CPLANE1: variants seen among roughly 807,000 people sequenced by gnomAD.
CPLANE1 encodes ciliogenesis and planar polarity effector complex subunit 1.
CPLANE1 carries 263 observed loss-of-function variants against 362.5 expected under a neutral mutation model. The ratio of observed to expected loss-of-function variants is 0.73; its 90% CI spans 0.66 to 0.80. The LOEUF is 0.80. Among genes scored for constraint, CPLANE1 ranks in the 30% least tolerant of loss-of-function variants. The pLI is 0.00. For missense variants in CPLANE1, 3,461 were observed against 3,793.4 expected, an observed-to-expected ratio of 0.91 and a Z score of 2.30; for synonymous variants, 1,212 against 1,302.6, an observed-to-expected ratio of 0.93 and a Z score of 1.50.
At chr5:37,124,781 T>C in intron 47 of CPLANE1, 1 of 544,220 alleles carries the variant, frequency 1.8e-6, no homozygotes, top group Non-Finnish European at 2.3e-6. Flanking sequence ...TCTCAACTCT[T>C]GGTCACAAGT....
chr5:37,243,522 G>A (rs1010530918), intron 5 of CPLANE1, among the ~76,000 whole-genome samples: 3 of 151,540 alleles, frequency 2.0e-5, no homozygotes, highest in East Asian at 1.9e-4. Flanking sequence ...CCACACATAC[G>A]AAGAATACCA....
At chr5:37,141,700 G>A in intron 44 of CPLANE1, 7 of 984,078 alleles carry the variant, frequency 7.1e-6, no homozygotes, top group Non-Finnish European at 8.4e-6. Context: ...CCAAGCCACT[G>A]TCAGTGATTG....
At chr5:37,119,261 AATCT>A (rs1761942746) in intron 50 of CPLANE1, among the ~76,000 whole-genome samples, 1 of 152,204 alleles carries the variant, frequency 6.6e-6, no homozygotes, top group African/African-American at 2.4e-5. Context: ...TTCATCCTGC[AATCT>A]ATCAGAACTT....
chr5:37,151,495 T>C (rs2150576007), intron 42 of CPLANE1, among the ~76,000 whole-genome samples: 1 of 152,216 alleles, frequency 6.6e-6, no homozygotes, highest in East Asian at 1.9e-4. Context: ...TTCCTAGAAT[T>C]TAGCACAGGG....
At chr5:37,099,626 G>A in the CPLANE1 span, among the ~76,000 whole-genome samples, 1 of 152,114 alleles carries the variant, frequency 6.6e-6, no homozygotes, top group Non-Finnish European at 1.5e-5. Flanking sequence ...CTTTATAACA[G>A]AATGATTTAT....
chr5:37,221,685 A>T (rs946691048), intron 14 of CPLANE1, among the ~76,000 whole-genome samples, 197 bp from the exon 15 acceptor site: 30 of 152,150 alleles, frequency 2.0e-4, no homozygotes, highest in African/African-American at 6.8e-4. Context: ...TACATCCCCA[A>T]ATAAAATTGG....
chr5:37,117,132 G>A (rs13188136), intron 50 of CPLANE1, among the ~76,000 whole-genome samples: 27,076 of 152,110 alleles, frequency 0.18, 2,838 homozygotes, highest in East Asian at 0.34. Context: ...TATAATACCC[G>A]CCTATTAATA....
chr5:37,227,088 G>GA lies in CPLANE1; in HGVS notation c.1522-16dup, dbSNP rs370335300. The GA allele has an allele frequency of 1.4e-4, 207 of 1,524,980 alleles. 1 individual carries two copies. In the African/African-American group the frequency reaches 2.5e-3, roughly 19 times the overall value. The allele number at this position is 1,524,980 out of a possible 1,614,324, so 94.5% of individuals were successfully genotyped here. On this transcript the variant is annotated splice_polypyrimidine_tract_variant and intron_variant, in intron 11 of 52. Transcript: ENST00000651892. ...GCTTCAAAATCCTAAAACATGAGGG[G>GA]AAAAAAATGATACTTAATACCATTT...
At chr5:37,210,864 G>A (rs1792400799) in intron 16 of CPLANE1, 3 of 813,928 alleles carry the variant, frequency 3.7e-6, no homozygotes, top group African/African-American at 1.7e-5. Context: ...TGAGGAGTTC[G>A]AAAGCCGCAA....
intron 31 of CPLANE1, among the ~76,000 whole-genome samples, chr5:37,174,769 T>C (rs1780703045): frequency 6.6e-6 from 1 of 152,214 alleles, no homozygotes; most frequent in Non-Finnish European, 1.5e-5. Flanking sequence ...TTGGCAATAA[T>C]ATTTGCCTTT....
chr5:37,189,235 T>C (rs1784816808), intron 21 of CPLANE1, among the ~76,000 whole-genome samples: 4 of 152,230 alleles, frequency 2.6e-5, no homozygotes, highest in African/African-American at 7.2e-5. Context: ...ATATGCTTTT[T>C]AAAATAAATA....
chr5:37,115,061 G>A lies in CPLANE1; in HGVS notation c.9311-12C>T, dbSNP rs1328850045. ...GAAAGTGGCAGTTCCTATACAGAGA[G>A]ACAAACATTATTAGCCTTCCATAGA... On this transcript the variant is annotated splice_polypyrimidine_tract_variant and intron_variant, in intron 50 of 52. Transcript: ENST00000651892. 2.6e-6 allele frequency: 4 copies of A among 1,532,794 alleles called. No individual in the cohort carries two copies. Among genetic ancestry groups the A allele is most frequent in the Non-Finnish European group, 3.6e-6 (4 of 1,109,484 alleles). The allele number at this position is 1,532,794 out of a possible 1,614,324, so 94.9% of individuals were successfully genotyped here. A position where few individuals can be genotyped will look rare whatever the true frequency, so the allele number is the denominator to read the frequency against.
intron 12 of CPLANE1, among the ~76,000 whole-genome samples, chr5:37,225,677 C>A (rs953881429): frequency 1.3e-5 from 2 of 151,918 alleles, no homozygotes; most frequent in Non-Finnish European, 2.9e-5. Context: ...CATGGTGAAA[C>A]CCCGTCTCTA....
chr5:37,148,575 T>C (rs994620982), intron 42 of CPLANE1, among the ~76,000 whole-genome samples: 2 of 152,128 alleles, frequency 1.3e-5, no homozygotes, highest in Non-Finnish European at 2.9e-5. Flanking sequence ...CCAGAGAGAT[T>C]CAATGACTTT....
At chr5:37,159,358 G>A (rs1472585081) in intron 38 of CPLANE1, among the ~76,000 whole-genome samples, 6 of 151,728 alleles carry the variant, frequency 4.0e-5, no homozygotes, top group East Asian at 1.9e-4. Flanking sequence ...TGATTCACCC[G>A]CCTCGGCCTC....
intron 21 of CPLANE1, among the ~76,000 whole-genome samples, chr5:37,190,973 TCTTA>T (rs1252649155): frequency 1.3e-5 from 2 of 152,188 alleles, no homozygotes; most frequent in African/African-American, 2.4e-5. Context: ...TAGCGTATAC[TCTTA>T]CTTATTAAAA....
At position 37,187,737 on chromosome 5, in the gene CPLANE1, T is replaced by C; in HGVS notation, c.3917A>G (p.Glu1306Gly). The change falls in exon 22 of 53, where the codon GAA becomes GGA. Residue 1306 changes from glutamate to glycine, a missense_variant. Transcript: ENST00000651892. ...TATTTTTGCCCTGGTAAATACCTTT[T>C]CTCCTTTTACATTTTCTCTTGCTTT... ...YQKARENVKGEKDLEVEFDSC... is the reference protein window; with the variant it reads ...YQKARENVKGGKDLEVEFDSC... 6.2e-7 allele frequency: 1 copy of C among 1,612,118 alleles called. No individual in the cohort carries two copies.
At chr5:37,201,849 A>G (rs769618141) in intron 18 of CPLANE1, 41 bp from the exon 19 acceptor site, 4 of 1,383,162 alleles carry the variant, frequency 2.9e-6, no homozygotes, top group Non-Finnish European at 3.0e-6. Flanking sequence ...TAAAGCTTGT[A>G]TTAAACTTCT....
In CPLANE1 at chr5:37,162,578, T is replaced by C. The variant is rs767934439; in HGVS notation, c.7589-12A>G. 1 of 1,565,962 alleles carries C rather than the reference T, an allele frequency of 6.4e-7. No individual in the cohort carries two copies. Among genetic ancestry groups the C allele is most frequent in the African/African-American group, 1.4e-5 (1 of 74,006 alleles). The stretch of plus-strand genomic sequence containing the variant: ...ATCTTGTAGCATTTCTTAAATATAA[T>C]AAAACATTGGAAGTAATCATTGAGA... On this transcript the variant is annotated splice_polypyrimidine_tract_variant and intron_variant, in intron 37 of 52. Transcript: ENST00000651892.
Sources: gnomAD v4.1 joint callset for allele counts (sites outside exome capture counted in the v4.1 genomes callset) on GRCh38, gnomAD v4.1.1 for gene constraint, MANE v1.5 for transcripts, NCBI Gene and HGNC (gene_info 2026-07-23, HGNC 2026-07-21) for gene names.